Variants in TTC28 observed in about 807,000 individuals in gnomAD.
TTC28 encodes the protein tetratricopeptide repeat domain 28.
Under a neutral mutation model 198.0 loss-of-function variants are expected in TTC28, and 61 were observed. That is an observed-to-expected ratio of 0.31 (90% CI 0.25 to 0.38). TTC28 has a LOEUF of 0.38. Among genes scored for constraint, TTC28 ranks in the 10% least tolerant of loss-of-function variants. The pLI, the probability that TTC28 is intolerant of heterozygous loss-of-function variation, is 1.00. For synonymous variants in TTC28, 1,171 were observed against 1,297.8 expected (o/e 0.90, Z 2.10); for missense variants, 2,678 against 3,164.0 (o/e 0.85, Z 3.69).
At chr22:28,269,768 C>T (rs941244561) in intron 5 of TTC28, among the ~76,000 whole-genome samples, 2 of 152,126 alleles carry the variant, frequency 1.3e-5, no homozygotes, top group African/African-American at 2.4e-5. Flanking sequence ...ATTAGGCTTA[C>T]TGCTGATAAC....
At chr22:28,381,989 GT>G (rs1192992833) in intron 2 of TTC28, among the ~76,000 whole-genome samples, 1 of 152,114 alleles carries the variant, frequency 6.6e-6, no homozygotes, top group African/African-American at 2.4e-5. Flanking sequence ...AGGCTAAAGG[GT>G]AAAATGGACA....
intron 1 of TTC28, among the ~76,000 whole-genome samples, chr22:28,660,922 A>T (rs1223897682): frequency 1.3e-5 from 2 of 152,118 alleles, no homozygotes; most frequent in Non-Finnish European, 2.9e-5. Flanking sequence ...AAAAAATTTT[A>T]AATATATAAT....
intron 2 of TTC28, among the ~76,000 whole-genome samples, chr22:28,401,970 C>T (rs934360002): frequency 2.0e-5 from 3 of 152,104 alleles, no homozygotes; most frequent in African/African-American, 7.2e-5. Flanking sequence ...AGATAAAACC[C>T]AAGCTCTCCC....
At chr22:28,537,240 T>A (rs2049299698) in intron 2 of TTC28, among the ~76,000 whole-genome samples, 2 of 146,364 alleles carry the variant, frequency 1.4e-5, no homozygotes, top group Non-Finnish European at 3.0e-5. Context: ...TTGCAGTGAG[T>A]CGAGATTGCG....
intron 2 of TTC28, among the ~76,000 whole-genome samples, chr22:28,329,645 G>A (rs993614827): frequency 2.6e-5 from 4 of 152,104 alleles, no homozygotes; most frequent in African/African-American, 9.7e-5. Context: ...AATGTTCTGT[G>A]CCAGGGACTC....
chr22:28,085,816 C>A (rs201201931), intron 12 of TTC28, among the ~76,000 whole-genome samples: 7 of 151,752 alleles, frequency 4.6e-5, no homozygotes, highest in Non-Finnish European at 8.8e-5. Context: ...GATGGAGGAA[C>A]ATCTACCAAG....
chr22:28,044,438 T>G (rs1939781702), intron 12 of TTC28, among the ~76,000 whole-genome samples: 1 of 152,062 alleles, frequency 6.6e-6, no homozygotes, highest in South Asian at 2.1e-4. Flanking sequence ...CTTAAGAGCA[T>G]TTTCTTTTCT....
chr22:28,313,947 G>A (rs2045310564), intron 2 of TTC28, among the ~76,000 whole-genome samples: 1 of 152,184 alleles, frequency 6.6e-6, no homozygotes, highest in African/African-American at 2.4e-5. Flanking sequence ...TGACACGATT[G>A]TATATTGAGA....
At chr22:28,663,036 C>T (rs1040284242) in intron 1 of TTC28, among the ~76,000 whole-genome samples, 1 of 152,014 alleles carries the variant, frequency 6.6e-6, no homozygotes, top group South Asian at 2.1e-4. Context: ...ATCTCGAGGT[C>T]AGGAGATCGA....
chr22:28,458,314 A>T (rs2047895585), intron 2 of TTC28, among the ~76,000 whole-genome samples: 1 of 152,198 alleles, frequency 6.6e-6, no homozygotes, highest in Non-Finnish European at 1.5e-5. Flanking sequence ...ATTCATCCAA[A>T]CAGAAGTTCA....
chr22:28,463,739 A>G (rs2047981216), intron 2 of TTC28, among the ~76,000 whole-genome samples: 1 of 151,736 alleles, frequency 6.6e-6, no homozygotes, highest in South Asian at 2.1e-4. Context: ...AGGAAGGGGA[A>G]CATCACACAC....
chr22:28,584,258 C>T (rs2050277366), intron 2 of TTC28, among the ~76,000 whole-genome samples: 1 of 152,070 alleles, frequency 6.6e-6, no homozygotes, highest in South Asian at 2.1e-4. Flanking sequence ...AACATAATGA[C>T]AAAAGTAGCT....
chr22:28,635,353 T>C (rs1601647022), intron 1 of TTC28, among the ~76,000 whole-genome samples: 2 of 151,944 alleles, frequency 1.3e-5, no homozygotes, highest in African/African-American at 4.8e-5. Context: ...CAAAACAGAA[T>C]AGTACTCCTT....
At chr22:28,470,292 A>G (rs2048081419) in intron 2 of TTC28, among the ~76,000 whole-genome samples, 1 of 152,124 alleles carries the variant, frequency 6.6e-6, no homozygotes, top group Non-Finnish European at 1.5e-5. Context: ...ACTACTTTCT[A>G]TTTCATTCTT....
chr22:28,072,430 A>G (rs1477096575), intron 12 of TTC28, among the ~76,000 whole-genome samples: 1 of 152,204 alleles, frequency 6.6e-6, no homozygotes, highest in Non-Finnish European at 1.5e-5. Context: ...ACATTCATCA[A>G]TGGGACTAAG....
chr22:28,302,872 AG>A (rs1303753595), intron 3 of TTC28, among the ~76,000 whole-genome samples: 1 of 152,134 alleles, frequency 6.6e-6, no homozygotes, highest in Non-Finnish European at 1.5e-5. Flanking sequence ...TCCTGTGAAA[AG>A]TGACTCCCAC....
intron 2 of TTC28, among the ~76,000 whole-genome samples, chr22:28,328,801 T>TAATAATAATAAA (rs1429478154): frequency 2.1e-5 from 2 of 96,344 alleles, no homozygotes; most frequent in African/African-American, 8.0e-5. Context: ...ATAATAATAA[T>TAATAATAATAAA]AATATGTTCT....
In TTC28 at chr22:28,111,848, T is replaced by C. The variant is rs563492499; in HGVS notation, c.1442-3445A>G. ...GGTGAGAGGCAATTGGAGGCAACTG[T>C]AGGAAGCTTGGCTTTCCTATATGGC... On this transcript the variant is annotated intron_variant, in intron 6 of 22. Transcript: ENST00000397906. Among the ~76,000 whole-genome samples, 506 of 152,290 alleles carry C rather than the reference T, an allele frequency of 3.3e-3. 3 individuals are homozygous for C. The highest frequency in any genetic ancestry group is 0.012 in the African/African-American group (488 of 41,562).
chr22:28,529,301 G>A (rs567781491), intron 2 of TTC28, among the ~76,000 whole-genome samples: 26 of 152,294 alleles, frequency 1.7e-4, no homozygotes, highest in East Asian at 1.2e-3. Flanking sequence ...ACGGAGCCTC[G>A]CTCACTGCTA....
Sources: allele counts gnomAD v4.1 joint callset (sites outside exome capture counted in the v4.1 genomes callset), GRCh38; gene constraint gnomAD v4.1.1; transcripts MANE v1.5; gene names NCBI Gene and HGNC (gene_info 2026-07-23, HGNC 2026-07-21).